Variants in RAB21 observed in about 807,000 individuals in gnomAD.
RAB21 encodes RAB21, member RAS oncogene family, also known as ras-related protein Rab-21.
RAB21 carries 13 observed loss-of-function variants against 33.1 expected under a neutral mutation model. That is an observed-to-expected ratio of 0.39 (90% CI 0.26 to 0.62). The LOEUF (loss-of-function observed/expected upper bound fraction) is 0.62. Among genes scored for constraint, RAB21 ranks in the 20% least tolerant of loss-of-function variants. The pLI is 0.48. For synonymous variants in RAB21, 91 were observed against 103.7 expected, an observed-to-expected ratio of 0.88 and a Z score of 0.74; for missense variants, 234 against 279.1, an observed-to-expected ratio of 0.84 and a Z score of 1.15.
At position 71,789,380 on chromosome 12, in the gene RAB21, G is replaced by A. The variant is rs1032678117; in HGVS notation, c.*3707G>A. The A allele has an allele frequency of 6.6e-6, 1 of 151,992 alleles. No individual in the cohort carries two copies. Among genetic ancestry groups the A allele is most frequent in the African/African-American group, 2.4e-5 (1 of 41,392 alleles). The allele number at this position is 151,992 out of a possible 1,614,324, so 9.4% of individuals were successfully genotyped here. ...CTAGATAGTTGATCTTACATATTCAGATAGTATAGTTTACTCTTATAATTA... is the reference window on the plus strand; with the variant it reads ...CTAGATAGTTGATCTTACATATTCAAATAGTATAGTTTACTCTTATAATTA... On this transcript the variant is annotated 3_prime_UTR_variant, in exon 7 of 7. Transcript: ENST00000261263.
chr12:71,787,171 A>G lies in RAB21; in HGVS notation c.*1498A>G, dbSNP rs946814526. ...CTGAGTTTCTGTGGATGGAAACATT[A>G]CATGTAATGCAGATATAGTGAACAC... On this transcript the variant is annotated 3_prime_UTR_variant, in exon 7 of 7. Coordinates refer to ENST00000261263, the MANE Select transcript of RAB21 (RefSeq NM_014999.4). 8 of 152,348 alleles carry G rather than the reference A, an allele frequency of 5.3e-5. No individual in the cohort carries two copies. Among genetic ancestry groups the G allele is most frequent in the Non-Finnish European group, 7.3e-5 (5 of 68,028 alleles). 9.4% of individuals were successfully genotyped at this position (152,348 alleles called of 1,614,324 possible).
chr12:71,782,529 A>G, intron 5 of RAB21, 41 bp from the exon 6 acceptor site: 1 of 1,376,104 alleles, frequency 7.3e-7, no homozygotes, highest in South Asian at 1.3e-5. Context: ...AAAATCATGA[A>G]TAATATTTTA....
intron 6 of RAB21, 134 bp downstream of exon 6, chr12:71,782,792 T>C: frequency 1.7e-6 from 1 of 588,984 alleles, no homozygotes; most frequent in South Asian, 2.9e-5. Flanking sequence ...TGGTAGTATT[T>C]CTGAAGTGCT....
Position 71,755,099 on chromosome 12 carries a change from A to G in RAB21, c.-31A>G. 9.0e-7 allele frequency: 1 copy of G among 1,107,372 alleles called. No homozygotes were observed. Among genetic ancestry groups the G allele is most frequent in the Non-Finnish European group, 1.1e-6 (1 of 911,826 alleles). The allele number at this position is 1,107,372 out of a possible 1,614,324, so 68.6% of individuals were successfully genotyped here. Reference sequence around the variant, plus strand: ...GCGGCTGTCGGGAGGGCGGCGCGACACTCGGGCTCGGGCGGCCGGGAAGCG... The same window carrying G: ...GCGGCTGTCGGGAGGGCGGCGCGACGCTCGGGCTCGGGCGGCCGGGAAGCG... On this transcript the variant is annotated 5_prime_UTR_variant, in exon 1 of 7. Transcript: ENST00000261263.
At chr12:71,785,287 T>C (rs1883267296) in intron 6 of RAB21, among the ~76,000 whole-genome samples, 1 of 152,182 alleles carries the variant, frequency 6.6e-6, no homozygotes, top group Admixed American at 6.5e-5. Context: ...TTTTTCTTTA[T>C]TGATATCACT....
Position 71,778,634 on chromosome 12 carries a change from C to T in RAB21, c.392-3397C>T, listed in dbSNP as rs539544365. Among the ~76,000 whole-genome samples the T allele has an allele frequency of 2.6e-5, 4 of 152,216 alleles. No individual in the cohort carries two copies. The South Asian group carries it at 6.2e-4, about 24-fold the overall frequency. On this transcript the variant is annotated intron_variant, in intron 4 of 6. Coordinates refer to ENST00000261263, the MANE Select transcript of RAB21 (RefSeq NM_014999.4). ...TAAACAAAATAGATACGGTTCTTGTCCTCCCAGAGTCTCTTGTGTGGAAAA... is the reference window on the plus strand; with the variant it reads ...TAAACAAAATAGATACGGTTCTTGTTCTCCCAGAGTCTCTTGTGTGGAAAA...
chr12:71,780,262 G>A (rs551752196), intron 4 of RAB21, among the ~76,000 whole-genome samples: 4 of 152,256 alleles, frequency 2.6e-5, no homozygotes, highest in South Asian at 2.1e-4. Flanking sequence ...TTTGGAACAT[G>A]AGCCATTAAA....
At position 71,789,417 on chromosome 12, in the gene RAB21, A is replaced by G. The variant is rs142535272; in HGVS notation, c.*3744A>G. ...TACTCTTATAATTACCCGTTACGTT[A>G]TCTCTAAAAGTAGTTTGATCTGTGC... On this transcript the variant is annotated 3_prime_UTR_variant, in exon 7 of 7. Coordinates refer to ENST00000261263, the MANE Select transcript of RAB21 (RefSeq NM_014999.4). 41 of 152,254 alleles carry G rather than the reference A, an allele frequency of 2.7e-4. No individual in the cohort carries two copies. In the East Asian group the frequency reaches 6.4e-3, roughly 24 times the overall value. 9.4% of individuals were successfully genotyped at this position (152,254 alleles called of 1,614,324 possible).
chr12:71,755,150 C>CGG lies in RAB21; in HGVS notation c.22_23dup (p.Gly9AlafsTer50). ...ACGGGATGGCTGCGGCCGGCGGCGG[C>CGG]GGCGGCGGGGCGGCGGCGGCGGGCC... On this transcript the variant is annotated frameshift_variant, in exon 1 of 7. Coordinates refer to ENST00000261263, the MANE Select transcript of RAB21 (RefSeq NM_014999.4). LOFTEE classifies it high-confidence loss of function. The CGG allele has an allele frequency of 7.8e-7, 1 of 1,288,768 alleles. No individual in the cohort carries two copies. The highest frequency in any genetic ancestry group is 9.8e-7 in the Non-Finnish European group (1 of 1,018,232). The allele number at this position is 1,288,768 out of a possible 1,614,324, so 79.8% of individuals were successfully genotyped here. A position where few individuals can be genotyped will look rare whatever the true frequency, so the allele number is the denominator to read the frequency against.
intron 1 of RAB21, among the ~76,000 whole-genome samples, chr12:71,760,516 A>G (rs945426263): frequency 6.6e-6 from 1 of 152,266 alleles, no homozygotes; most frequent in Non-Finnish European, 1.5e-5. Context: ...GAATCTATGC[A>G]GTTAAATTCA....
chr12:71,777,240 A>C (rs867939271), intron 4 of RAB21, among the ~76,000 whole-genome samples: 1 of 152,040 alleles, frequency 6.6e-6, no homozygotes, highest in Non-Finnish European at 1.5e-5. Context: ...CCCCGTCACT[A>C]TCCTTTTTAC....
chr12:71,770,183 G>A (rs1206000110), intron 2 of RAB21, among the ~76,000 whole-genome samples: 1 of 152,112 alleles, frequency 6.6e-6, no homozygotes, highest in African/African-American at 2.4e-5. Flanking sequence ...GGATAATGCA[G>A]CAGATACTTC....
At chr12:71,774,870 T>A (rs1883097776) in intron 4 of RAB21, among the ~76,000 whole-genome samples, 1 of 152,180 alleles carries the variant, frequency 6.6e-6, no homozygotes, top group South Asian at 2.1e-4. Flanking sequence ...GGGCTTCAAG[T>A]TTCCCAGCCT....
chr12:71,764,153 T>C (rs1420045935), intron 1 of RAB21, among the ~76,000 whole-genome samples: 1 of 152,206 alleles, frequency 6.6e-6, no homozygotes, highest in Non-Finnish European at 1.5e-5. Context: ...GGGAGTTCTT[T>C]ACTGAGATGT....
At position 71,788,505 on chromosome 12, in the gene RAB21, T is replaced by C. The variant is rs972210655; in HGVS notation, c.*2832T>C. On this transcript the variant is annotated 3_prime_UTR_variant, in exon 7 of 7. Coordinates refer to ENST00000261263, the MANE Select transcript of RAB21 (RefSeq NM_014999.4). The stretch of plus-strand genomic sequence containing the variant: ...GAGGACCAGTCAACTTCAGTATATA[T>C]ACAAAGGAAAGACAAAGAGATGATA... 2 of 152,136 alleles carry C rather than the reference T, an allele frequency of 1.3e-5. No homozygotes were observed. The highest frequency in any genetic ancestry group is 4.8e-5 in the African/African-American group (2 of 41,426). 9.4% of individuals were successfully genotyped at this position (152,136 alleles called of 1,614,324 possible). A position where few individuals can be genotyped will look rare whatever the true frequency, so the allele number is the denominator to read the frequency against.
rs1307446766 is a variant in RAB21, at chr12:71,799,704, G to A, written c.*14031G>A. 3 of 151,992 alleles carry A rather than the reference G, an allele frequency of 2.0e-5. No homozygotes were observed. The highest frequency in any genetic ancestry group is 4.4e-5 in the Non-Finnish European group (3 of 67,982). 9.4% of individuals were successfully genotyped at this position (151,992 alleles called of 1,614,324 possible). The stretch of plus-strand genomic sequence containing the variant: ...ATATTAAGTTTTTAAAAAAAGCCAG[G>A]GCAGAACAGTCTGTATACTGTATAT... On this transcript the variant is annotated 3_prime_UTR_variant, in exon 7 of 7. Coordinates refer to ENST00000261263, the MANE Select transcript of RAB21 (RefSeq NM_014999.4).
At chr12:71,782,773 A>G (rs566375144) in intron 6 of RAB21, 115 bp downstream of exon 6, 124 of 672,262 alleles carry the variant, frequency 1.8e-4, no homozygotes, top group Non-Finnish European at 3.0e-4. Flanking sequence ...TTTTTAAACT[A>G]TTGACTATTG....
Position 71,798,280 on chromosome 12 carries a change from TCA to T in RAB21, c.*12610_*12611del, listed in dbSNP as rs955014841. 2.0e-5 allele frequency: 3 copies of T among 152,238 alleles called. No individual in the cohort carries two copies. Among genetic ancestry groups the T allele is most frequent in the Admixed American group, 2.0e-4 (3 of 15,286 alleles). 9.4% of individuals were successfully genotyped at this position (152,238 alleles called of 1,614,324 possible). A position where few individuals can be genotyped will look rare whatever the true frequency, so the allele number is the denominator to read the frequency against. ...TTGTATTTTTAGTAGAGATGGCGTT[TCA>T]CAGTGTTGGCCAGTCTGGTCTTGAA... On this transcript the variant is annotated 3_prime_UTR_variant, in exon 7 of 7. Transcript: ENST00000261263.
Position 71,755,209 on chromosome 12 carries a change from A to T in RAB21, c.80A>T (p.Glu27Val). The T allele has an allele frequency of 6.5e-7, 1 of 1,536,096 alleles. No individual in the cohort carries two copies. The highest frequency in any genetic ancestry group is 8.7e-7 in the Non-Finnish European group (1 of 1,146,268). Reference sequence around the variant, plus strand: ...TCGTTCAAGGTGGTGCTGCTGGGGGAAGGCTGCGTGGGGAAGACGTCGCTG... The same window carrying T: ...TCGTTCAAGGTGGTGCTGCTGGGGGTAGGCTGCGTGGGGAAGACGTCGCTG... ...AYSFKVVLLG[E>V]GCVGKTSLVL... The change falls in exon 1 of 7, where the codon GAA (glutamate) becomes GTA (valine). Residue 27 changes from glutamate to valine, a missense_variant. Glu to Val is a moderately radical substitution (Grantham distance 121). Transcript: ENST00000261263.
Sources: allele counts gnomAD v4.1 joint callset (sites outside exome capture counted in the v4.1 genomes callset), GRCh38; gene constraint gnomAD v4.1.1; transcripts MANE v1.5; gene names NCBI Gene and HGNC (gene_info 2026-07-23, HGNC 2026-07-21).